Variants in SIMC1 observed in about 807,000 individuals in gnomAD.
SIMC1 encodes the protein SUMO interacting motifs containing 1, also known as SUMO-interacting motif-containing protein 1.
A neutral mutation model predicts 82.3 loss-of-function variants in SIMC1; 55 were observed. That is an observed-to-expected ratio of 0.67 (90% CI 0.54 to 0.84). SIMC1 has a LOEUF of 0.84. SIMC1 is among the 40% of genes least tolerant of loss of function. The pLI, the probability that SIMC1 is intolerant of heterozygous loss-of-function variation, is 0.00. For synonymous variants in SIMC1, 353 were observed against 426.3 expected (o/e 0.83, Z 2.12); for missense variants, 915 against 1,107.2 (o/e 0.83, Z 2.46).
At chr5:176,286,939 A>G (rs1336198048) in intron 1 of SIMC1, among the ~76,000 whole-genome samples, 1 of 152,244 alleles carries the variant, frequency 6.6e-6, no homozygotes, top group African/African-American at 2.4e-5. Context: ...ATACCATATC[A>G]CACCAGTTAG....
intron 4 of SIMC1, among the ~76,000 whole-genome samples, chr5:176,312,736 A>G (rs150379783): frequency 1.6e-4 from 24 of 152,302 alleles, no homozygotes; most frequent in African/African-American, 5.1e-4. Flanking sequence ...ATCCTGGTCC[A>G]TTAGTTTATG....
chr5:176,273,803 T>C (rs112743101), intron 1 of SIMC1, among the ~76,000 whole-genome samples: 2 of 152,276 alleles, frequency 1.3e-5, no homozygotes, highest in African/African-American at 2.4e-5. Flanking sequence ...TGATTTCCAG[T>C]TTCATCCATG....
chr5:176,313,323 ACTTCCCATGG>A, intron 4 of SIMC1: 2 of 1,467,720 alleles, frequency 1.4e-6, no homozygotes, highest in South Asian at 1.4e-5. Context: ...GGAGAGATTG[ACTTCCCATGG>A]CTGCCTCTTA....
Position 176,290,540 on chromosome 5 carries a change from C to T in SIMC1, c.1016C>T (p.Pro339Leu), listed in dbSNP as rs139681870. 3.6e-4 allele frequency: 576 copies of T among 1,613,918 alleles called. 4 individuals are homozygous for T. The East Asian group carries it at 0.012, about 33-fold the overall frequency. The change falls in exon 2 of 10, where the codon CCG (proline) becomes CTG (leucine). Residue 339 changes from proline (P) to leucine (L), a missense_variant. Physicochemically the swap from Pro to Leu is moderately conservative, Grantham distance 98 (BLOSUM62 -3). Coordinates refer to ENST00000429602, the MANE Select transcript of SIMC1 (RefSeq NM_001308195.2). ...TCACCAGGGGGCATGCCACACTTAC[C>T]GGGAGATGTGTTACATTCACCTGGA... is the stretch of plus-strand genomic sequence containing the variant. Reference protein sequence around the residue: ...PQSPGGMPHLPGDVLHSPGDM... With the variant: ...PQSPGGMPHLLGDVLHSPGDM...
chr5:176,327,075 T>C (rs1765426830), intron 7 of SIMC1, among the ~76,000 whole-genome samples: 1 of 152,112 alleles, frequency 6.6e-6, no homozygotes, highest in East Asian at 1.9e-4. Flanking sequence ...TTGTCAGGAG[T>C]ATTTCATTTG....
chr5:176,345,109 T>C, intron 9 of SIMC1, 74 bp from the exon 10 acceptor site: 1 of 1,535,702 alleles, frequency 6.5e-7, no homozygotes, highest in South Asian at 1.3e-5. Context: ...AGACTCTACC[T>C]ACCAAAATTA....
chr5:176,243,193 G>A (rs1051507986), intron 1 of SIMC1, among the ~76,000 whole-genome samples: 17 of 152,006 alleles, frequency 1.1e-4, no homozygotes, highest in Non-Finnish European at 1.6e-4. Flanking sequence ...ATTTGATTGT[G>A]TTTTCAGAGA....
At position 176,308,938 on chromosome 5, in the gene SIMC1, G is replaced by A. The variant is rs1407460388; in HGVS notation, c.1735-4753G>A. The stretch of plus-strand genomic sequence containing the variant: ...TACAGTGGTTGGAGGACAGACTGGA[G>A]CAAAACCAATAGCATTTGCAGGAAT... On this transcript the variant is annotated intron_variant, in intron 4 of 9. Transcript: ENST00000429602. 9 of 1,128,566 alleles carry A rather than the reference G, an allele frequency of 8.0e-6. No individual in the cohort carries two copies. In the East Asian group the frequency reaches 2.1e-4, roughly 26 times the overall value. The allele number at this position is 1,128,566 out of a possible 1,614,324, so 69.9% of individuals were successfully genotyped here. A position where few individuals can be genotyped will look rare whatever the true frequency, so the allele number is the denominator to read the frequency against.
chr5:176,322,502 G>A, intron 6 of SIMC1, 77 bp downstream of exon 6: 1 of 1,432,770 alleles, frequency 7.0e-7, no homozygotes, highest in Admixed American at 2.6e-5. Flanking sequence ...ATCCCTAAGA[G>A]CAGCTTCCCC....
chr5:176,300,099 A>G (rs1038399892), intron 4 of SIMC1, among the ~76,000 whole-genome samples: 10 of 152,160 alleles, frequency 6.6e-5, no homozygotes, highest in African/African-American at 2.2e-4. Context: ...ACATACGAAA[A>G]CTTATGGATG....
rs543897254 is a variant in SIMC1, at chr5:176,290,103, G to GAGCAGC, written c.593_598dup (p.Ser198_Ser199dup). On this transcript the variant is annotated inframe_insertion, in exon 2 of 10. Transcript: ENST00000429602. Reference sequence around the variant, plus strand: ...TCTCCCCAACAAGCAATAATAGTAGGAGCAGCAGCAGCAGCAGCAATCAAA... The same window carrying GAGCAGC: ...TCTCCCCAACAAGCAATAATAGTAGGAGCAGCAGCAGCAGCAGCAGCAGCAATCAAA... The GAGCAGC allele has an allele frequency of 9.3e-5, 150 of 1,605,624 alleles. No homozygotes were observed. The highest frequency in any genetic ancestry group is 1.4e-4 in the Admixed American group (8 of 57,948).
At chr5:176,304,457 G>A (rs1233828753) in intron 4 of SIMC1, 36 of 173,068 alleles carry the variant, frequency 2.1e-4, no homozygotes, top group Non-Finnish European at 3.2e-4. Flanking sequence ...CCGAGGTGCC[G>A]GGATTGCAGA....
At chr5:176,279,889 TC>T (rs2113217042) in intron 1 of SIMC1, among the ~76,000 whole-genome samples, 1 of 152,266 alleles carries the variant, frequency 6.6e-6, no homozygotes, top group East Asian at 1.9e-4. Context: ...GAGCTTTACT[TC>T]CAAGTATGTG....
At chr5:176,333,121 C>T (rs573627487) in intron 7 of SIMC1, among the ~76,000 whole-genome samples, 8 of 152,070 alleles carry the variant, frequency 5.3e-5, no homozygotes, top group East Asian at 3.9e-4. Flanking sequence ...CTGGCCAACA[C>T]GGTGAAACCC....
chr5:176,304,597 C>A (rs1204449635), intron 4 of SIMC1, among the ~76,000 whole-genome samples: 1 of 148,382 alleles, frequency 6.7e-6, no homozygotes, highest in East Asian at 2.0e-4. Flanking sequence ...GCAGCCTCTG[C>A]CCGGCCGCCA....
At chr5:176,257,661 A>G (rs572863679) in intron 1 of SIMC1, among the ~76,000 whole-genome samples, 15 of 152,180 alleles carry the variant, frequency 9.9e-5, no homozygotes, top group Non-Finnish European at 2.2e-4. Context: ...ACAATTCAAC[A>G]TATGGGGAAT....
At chr5:176,307,743 T>C (rs1444103253) in intron 4 of SIMC1, among the ~76,000 whole-genome samples, 1 of 152,156 alleles carries the variant, frequency 6.6e-6, no homozygotes, top group Non-Finnish European at 1.5e-5. Flanking sequence ...AAACAGACAA[T>C]AATAAACATT....
intron 1 of SIMC1, among the ~76,000 whole-genome samples, chr5:176,251,787 A>G (rs560057105): frequency 2.9e-4 from 44 of 150,668 alleles, no homozygotes; most frequent in African/African-American, 1.1e-3. Flanking sequence ...ATGACTCTTA[A>G]CGAGCATGCT....
intron 1 of SIMC1, among the ~76,000 whole-genome samples, chr5:176,247,740 G>A (rs976450034): frequency 4.4e-5 from 3 of 68,552 alleles, no homozygotes; most frequent in Non-Finnish European, 1.1e-4. Flanking sequence ...TATGGTTTTA[G>A]GTTTACATTT....
Sources: allele counts gnomAD v4.1 joint callset (sites outside exome capture counted in the v4.1 genomes callset), GRCh38; gene constraint gnomAD v4.1.1; transcripts MANE v1.5; gene names NCBI Gene and HGNC (gene_info 2026-07-23, HGNC 2026-07-21).